FAM135B: variants seen among roughly 807,000 people sequenced by gnomAD.
FAM135B encodes family with sequence similarity 135 member B, also known as protein FAM135B.
A neutral mutation model predicts 127.7 loss-of-function variants in FAM135B; 43 were observed. That is an observed-to-expected ratio of 0.34 (90% confidence interval 0.26 to 0.43). FAM135B has a LOEUF of 0.43. Among genes scored for constraint, FAM135B ranks in the 20% least tolerant of loss-of-function variants. FAM135B has a pLI of 1.00. For missense variants in FAM135B, 1,558 were observed against 1,725.6 expected (o/e 0.90, Z 1.72); for synonymous variants, 670 against 665.1 (o/e 1.01, Z -0.11).
At chr8:138,415,782 A>C (rs902329443) in intron 1 of FAM135B, among the ~76,000 whole-genome samples, 2 of 152,204 alleles carry the variant, frequency 1.3e-5, no homozygotes, top group African/African-American at 2.4e-5. Context: ...TCTGAGAATG[A>C]ATGACAGTGA....
intron 1 of FAM135B, among the ~76,000 whole-genome samples, chr8:138,434,997 T>A (rs2131522129): frequency 6.6e-6 from 1 of 152,208 alleles, no homozygotes; most frequent in East Asian, 1.9e-4. Flanking sequence ...ATATTTTCAA[T>A]CTTGCAAGTG....
intron 2 of FAM135B, among the ~76,000 whole-genome samples, chr8:138,332,316 T>C (rs1828245275): frequency 6.6e-6 from 1 of 152,182 alleles, no homozygotes; most frequent in Non-Finnish European, 1.5e-5. Context: ...GTTGCCACTC[T>C]TAGGAGATCA....
chr8:138,320,125 C>T (rs998784190), intron 2 of FAM135B, among the ~76,000 whole-genome samples: 1 of 152,192 alleles, frequency 6.6e-6, no homozygotes, highest in Non-Finnish European at 1.5e-5. Flanking sequence ...TTTCAGAATT[C>T]TAACCTGCAG....
At chr8:138,407,034 A>C (rs544201767) in intron 1 of FAM135B, among the ~76,000 whole-genome samples, 138 of 151,126 alleles carry the variant, frequency 9.1e-4, no homozygotes, top group African/African-American at 3.3e-3. Context: ...AAATCTCCTT[A>C]AGCTGATAAG....
chr8:138,472,871 T>C (rs184158815), intron 1 of FAM135B, among the ~76,000 whole-genome samples: 1 of 152,262 alleles, frequency 6.6e-6, no homozygotes, highest in Admixed American at 6.5e-5. Context: ...GATGCATTGA[T>C]TGACACCGCC....
chr8:138,150,497 G>A (rs1185433634), intron 13 of FAM135B, among the ~76,000 whole-genome samples: 2 of 152,016 alleles, frequency 1.3e-5, no homozygotes, highest in African/African-American at 2.4e-5. Context: ...GTGAAACCCC[G>A]TCTCTACTAA....
intron 19 of FAM135B, among the ~76,000 whole-genome samples, chr8:138,133,496 T>C (rs1586555163): frequency 6.6e-6 from 1 of 152,326 alleles, no homozygotes; most frequent in East Asian, 1.9e-4. Flanking sequence ...AAAAACTGTT[T>C]ATGACAACTT....
At chr8:138,465,461 A>G (rs1420152517) in intron 1 of FAM135B, among the ~76,000 whole-genome samples, 1 of 152,092 alleles carries the variant, frequency 6.6e-6, no homozygotes, top group East Asian at 1.9e-4. Flanking sequence ...ATCAAATCCA[A>G]ATGCTTTGTC....
chr8:138,368,384 C>T (rs1426798962), intron 1 of FAM135B, among the ~76,000 whole-genome samples: 1 of 152,172 alleles, frequency 6.6e-6, no homozygotes, highest in African/African-American at 2.4e-5. Flanking sequence ...GAGCAAGTCA[C>T]TTAACTTCTC....
intron 10 of FAM135B, among the ~76,000 whole-genome samples, chr8:138,178,235 G>A (rs916052475): frequency 1.3e-5 from 2 of 148,260 alleles, no homozygotes; most frequent in African/African-American, 2.5e-5. Context: ...GTGACAGAGC[G>A]AGACACCATC....
At chr8:138,410,173 G>A (rs1833777560) in intron 1 of FAM135B, among the ~76,000 whole-genome samples, 1 of 152,186 alleles carries the variant, frequency 6.6e-6, no homozygotes, top group Non-Finnish European at 1.5e-5. Flanking sequence ...CATATTACCA[G>A]GAAGGGCTCC....
chr8:138,446,563 C>T (rs1403211318), intron 1 of FAM135B, among the ~76,000 whole-genome samples: 3 of 152,140 alleles, frequency 2.0e-5, no homozygotes, highest in Non-Finnish European at 2.9e-5. Flanking sequence ...GAAAGGATTC[C>T]CTATTTAATA....
Position 138,151,186 on chromosome 8 carries a change from C to T in FAM135B, c.3281+8G>A, listed in dbSNP as rs751489641. 3 of 1,506,492 alleles carry T rather than the reference C, an allele frequency of 2.0e-6. No individual in the cohort carries two copies. In the South Asian group the frequency reaches 4.1e-5, roughly 20 times the overall value. The allele number at this position is 1,506,492 out of a possible 1,614,324, so 93.3% of individuals were successfully genotyped here. A position where few individuals can be genotyped will look rare whatever the true frequency, so the allele number is the denominator to read the frequency against. Reference sequence around the variant, plus strand: ...TTGTGGGAAAGGTAAGCCCGTCAGCCAGCTTACCTAAACATCCTCTCACTG... The same window carrying T: ...TTGTGGGAAAGGTAAGCCCGTCAGCTAGCTTACCTAAACATCCTCTCACTG... On this transcript the variant is annotated splice_region_variant and intron_variant, in intron 13 of 19. Coordinates refer to ENST00000395297, the MANE Select transcript of FAM135B (RefSeq NM_015912.4).
chr8:138,304,950 T>C (rs1164896420), intron 3 of FAM135B, among the ~76,000 whole-genome samples: 3 of 152,138 alleles, frequency 2.0e-5, no homozygotes, highest in Non-Finnish European at 4.4e-5. Context: ...CCACCCACCC[T>C]GCCGGCCACC....
At chr8:138,337,530 AC>A (rs1277691222) in intron 2 of FAM135B, among the ~76,000 whole-genome samples, 1 of 151,930 alleles carries the variant, frequency 6.6e-6, no homozygotes, top group Non-Finnish European at 1.5e-5. Context: ...AGAATAAAAT[AC>A]CCAGGAATCC....
At chr8:138,294,006 T>C (rs1221936726) in intron 3 of FAM135B, among the ~76,000 whole-genome samples, 1 of 152,104 alleles carries the variant, frequency 6.6e-6, no homozygotes, top group African/African-American at 2.4e-5. Flanking sequence ...TAAGTGTCCA[T>C]CAACCAATGA....
intron 1 of FAM135B, among the ~76,000 whole-genome samples, chr8:138,488,932 T>A (rs1397501802): frequency 6.6e-6 from 1 of 152,216 alleles, no homozygotes; most frequent in Non-Finnish European, 1.5e-5. Context: ...CCCAAAGTAC[T>A]GGGATTACAG....
chr8:138,422,691 G>T (rs1563989049), intron 1 of FAM135B, among the ~76,000 whole-genome samples: 1 of 152,048 alleles, frequency 6.6e-6, no homozygotes, highest in Non-Finnish European at 1.5e-5. Flanking sequence ...TTGGGTTACA[G>T]ATTTCTGAAA....
intron 1 of FAM135B, among the ~76,000 whole-genome samples, chr8:138,487,623 C>T (rs1163446423): frequency 8.3e-6 from 1 of 120,722 alleles, no homozygotes; most frequent in African/African-American, 3.4e-5. Context: ...CATCCAAGCC[C>T]TAGGTGTGTG....
Sources: allele counts gnomAD v4.1 joint callset (sites outside exome capture counted in the v4.1 genomes callset), GRCh38; gene constraint gnomAD v4.1.1; transcripts MANE v1.5; gene names NCBI Gene and HGNC (gene_info 2026-07-23, HGNC 2026-07-21).